The following EIF4E3 variants were observed in gnomAD, a reference collection of about 807,000 sequenced individuals.
EIF4E3 encodes the protein eukaryotic translation initiation factor 4E type 3.
Under a neutral mutation model 31.7 loss-of-function variants are expected in EIF4E3, and 26 were observed. The observed-to-expected ratio is 0.82, with a 90% CI of 0.60 to 1.14. The LOEUF is 1.14. EIF4E3 is among the 50% of genes most tolerant of loss of function. The pLI, the probability that EIF4E3 is intolerant of heterozygous loss-of-function variation, is 0.00. For missense variants in EIF4E3, 304 were observed against 270.9 expected, an observed-to-expected ratio of 1.12 and a Z score of -0.86; for synonymous variants, 128 against 107.7, an observed-to-expected ratio of 1.19 and a Z score of -1.17.
At chr3:71,714,240 G>GGAAAGGAA (rs1471059939) in intron 1 of EIF4E3, among the ~76,000 whole-genome samples, 1 of 102,622 alleles carries the variant, frequency 9.7e-6, no homozygotes, top group Admixed American at 1.1e-4. Context: ...AAGGGAAGAA[G>GGAAAGGAA]GAAAGGAAGG....
At chr3:71,661,512 T>C in the EIF4E3 span, among the ~76,000 whole-genome samples, 1 of 152,160 alleles carries the variant, frequency 6.6e-6, no homozygotes, top group Admixed American at 6.5e-5. Flanking sequence ...CCATTTCCCA[T>C]GCGTCAAATA....
rs56838855 is a variant in EIF4E3, at chr3:71,720,051, T to G, written c.176+5141A>C. Among the ~76,000 whole-genome samples the G allele has an allele frequency of 6.2e-3, 938 of 151,816 alleles. 10 individuals carry two copies. Among genetic ancestry groups the G allele is most frequent in the African/African-American group, 0.022 (899 of 41,370 alleles). ...TATTCATATCTTATATTTTAAGAGG[T>G]GGGTTCCACTTAAAAAAGCAATATA... On this transcript the variant is annotated intron_variant, in intron 1 of 6. Transcript: ENST00000425534.
chr3:71,714,823 T>G (rs912187565), intron 1 of EIF4E3, among the ~76,000 whole-genome samples: 2 of 152,172 alleles, frequency 1.3e-5, no homozygotes, highest in Non-Finnish European at 2.9e-5. Context: ...ATGGCAACAC[T>G]GAAGCCTGGG....
At chr3:71,714,265 G>A (rs963229072) in intron 1 of EIF4E3, among the ~76,000 whole-genome samples, 6 of 114,356 alleles carry the variant, frequency 5.2e-5, no homozygotes, top group Non-Finnish European at 1.0e-4. Flanking sequence ...AAGGAAGGAA[G>A]GAAGGAAAGA....
intron 1 of EIF4E3, among the ~76,000 whole-genome samples, chr3:71,744,094 A>G (rs1044237329): frequency 6.6e-6 from 1 of 152,062 alleles, no homozygotes; most frequent in African/African-American, 2.4e-5. Context: ...TCAAATTGAT[A>G]AACTGAACTT....
At chr3:71,752,782 C>G (rs1330108433) in intron 1 of EIF4E3, among the ~76,000 whole-genome samples, 1 of 152,290 alleles carries the variant, frequency 6.6e-6, no homozygotes, top group Admixed American at 6.5e-5. Flanking sequence ...CAGAGTAAAA[C>G]AGACGGGTTA....
chr3:71,699,218 C>T (rs1403954363), intron 3 of EIF4E3, among the ~76,000 whole-genome samples: 4 of 151,864 alleles, frequency 2.6e-5, no homozygotes, highest in African/African-American at 4.8e-5. Context: ...CAGAGTGAGA[C>T]CTGGTCTCAA....
rs1330291248 is a variant in EIF4E3 at position 71,690,136 on chromosome 3, C to A, written c.502G>T (p.Val168Phe). The A allele has an allele frequency of 6.2e-7, 1 of 1,612,418 alleles. No individual in the cohort carries two copies. The highest frequency in any genetic ancestry group is 1.3e-5 in the African/African-American group (1 of 74,590). ...TGGACGACGTCTTCTCGGTCCCGAA[C>A]ACTGACACTAACTCCTATTACTTCA... ...DDEVIGVSVS[V>F]RDREDVVQVW... The change falls in exon 6 of 7, where the codon GTT (valine) becomes TTT (phenylalanine). Residue 168 changes from valine to phenylalanine, a missense_variant. Physicochemically the swap from Val to Phe is conservative, Grantham distance 50 (BLOSUM62 -1). Coordinates refer to ENST00000425534, the MANE Select transcript of EIF4E3 (RefSeq NM_001134651.2).
At chr3:71,662,192 G>C in the EIF4E3 span, among the ~76,000 whole-genome samples, 1 of 152,208 alleles carries the variant, frequency 6.6e-6, no homozygotes, top group African/African-American at 2.4e-5. Flanking sequence ...GTGGAGGGGA[G>C]AGTGTCTCAG....
At chr3:71,707,829 G>A (rs1311295827) in intron 2 of EIF4E3, among the ~76,000 whole-genome samples, 1 of 151,000 alleles carries the variant, frequency 6.6e-6, no homozygotes, top group Admixed American at 6.6e-5. Flanking sequence ...GCAGTCTGTT[G>A]TGACTCAGGA....
intron 6 of EIF4E3, among the ~76,000 whole-genome samples, chr3:71,686,749 C>G (rs2048997951): frequency 6.6e-6 from 1 of 152,046 alleles, no homozygotes; most frequent in South Asian, 2.1e-4. Flanking sequence ...TGTGTTACTT[C>G]TAGGTGTGAG....
intron 5 of EIF4E3, among the ~76,000 whole-genome samples, 154 bp from the exon 6 acceptor site, chr3:71,690,319 G>C (rs947852471): frequency 2.6e-5 from 4 of 152,158 alleles, no homozygotes; most frequent in African/African-American, 9.7e-5. Context: ...GTTTCTATGG[G>C]GAATCACTGG....
At chr3:71,741,126 C>T (rs915644679) in intron 1 of EIF4E3, among the ~76,000 whole-genome samples, 2 of 152,016 alleles carry the variant, frequency 1.3e-5, no homozygotes, top group African/African-American at 4.8e-5. Context: ...CAGGGTGAGA[C>T]TCCATCTCAA....
At chr3:71,715,172 C>G (rs1251397377) in intron 1 of EIF4E3, among the ~76,000 whole-genome samples, 3 of 152,174 alleles carry the variant, frequency 2.0e-5, no homozygotes, top group Non-Finnish European at 4.4e-5. Flanking sequence ...AACGGTGCTG[C>G]TGAACATCCT....
intron 1 of EIF4E3, among the ~76,000 whole-genome samples, chr3:71,736,204 G>A (rs556753360): frequency 4.2e-4 from 64 of 152,310 alleles, no homozygotes; most frequent in Middle Eastern, 6.8e-3. Flanking sequence ...ATGCTAGTAA[G>A]AATGCAAAAT....
rs535559537 is a variant in EIF4E3, at chr3:71,710,446, T to G, written c.215A>C (p.Asn72Thr). The G allele has an allele frequency of 6.4e-7, 1 of 1,551,796 alleles. No homozygotes were observed. Among genetic ancestry groups the G allele is most frequent in the Admixed American group, 2.0e-5 (1 of 50,972 alleles). The change falls in exon 2 of 7, where the codon AAT becomes ACT. Residue 72 changes from asparagine to threonine, a missense_variant. Asn to Thr is a moderately conservative substitution (Grantham distance 65). Transcript: ENST00000425534. ...PGATAAECAS[N>T]LKKIYTVQTV... is the part of the protein sequence containing the mutation. ...CTGTACTGTGTAGATTTTCTTCAGATTTGATGCGCACTCAGCTGCTGTGGC... is the reference window on the plus strand; with the variant it reads ...CTGTACTGTGTAGATTTTCTTCAGAGTTGATGCGCACTCAGCTGCTGTGGC...
chr3:71,701,610 A>G (rs2049217527), intron 2 of EIF4E3, among the ~76,000 whole-genome samples: 1 of 152,256 alleles, frequency 6.6e-6, no homozygotes, highest in African/African-American at 2.4e-5. Context: ...AAGCAGCACG[A>G]GTAAAATAGC....
intron 1 of EIF4E3, among the ~76,000 whole-genome samples, chr3:71,745,324 T>C (rs2049860597): frequency 6.6e-6 from 1 of 152,208 alleles, no homozygotes; most frequent in Admixed American, 6.5e-5. Context: ...AACTTTCATA[T>C]TTTATTACAA....
intron 1 of EIF4E3, among the ~76,000 whole-genome samples, chr3:71,739,473 A>T (rs2049798196): frequency 1.3e-5 from 2 of 152,148 alleles, no homozygotes; most frequent in Admixed American, 6.5e-5. Flanking sequence ...AGGCCAGAGG[A>T]TCACCTGAGG....
Sources: gnomAD v4.1 joint callset for allele counts (sites outside exome capture counted in the v4.1 genomes callset) on GRCh38, gnomAD v4.1.1 for gene constraint, MANE v1.5 for transcripts, NCBI Gene and HGNC (gene_info 2026-07-23, HGNC 2026-07-21) for gene names.